GJB1: variants seen among roughly 807,000 people sequenced by gnomAD.
The protein encoded by GJB1 is gap junction protein beta 1.
In GJB1, 1 loss-of-function variant was observed where a neutral mutation model predicts 12.0. The ratio of observed to expected loss-of-function variants is 0.08; its 90% CI spans 0.03 to 0.40. The LOEUF is 0.40. Ranked by LOEUF, GJB1 falls within the 10% of genes least tolerant of loss-of-function variation. The pLI, the probability that GJB1 is intolerant of heterozygous loss-of-function variation, is 0.98. For missense variants in GJB1, 140 were observed against 250.3 expected (o/e 0.56, Z 2.97); for synonymous variants, 114 against 102.8 (o/e 1.11, Z -0.66).
At chrX:71,218,967 T>C (rs1305447840), upstream of GJB1, among the ~76,000 whole-genome samples, 3 of 109,919 alleles carry the variant, frequency 2.7e-5, no homozygotes, top group Non-Finnish European at 5.7e-5. Context: ...ACTATGTGAC[T>C]CTTAGATAAG....
rs1057518946 is a variant in GJB1 at position 71,223,816 on chromosome X, G to C, written c.109G>C (p.Val37Leu). 1 of 1,211,622 alleles carries C rather than the reference G, an allele frequency of 8.3e-7. No homozygotes were observed. The highest frequency in any genetic ancestry group is 1.1e-6 in the Non-Finnish European group (1 of 895,364). Residue 37 changes from valine (V) to leucine (L), a missense_variant, in exon 2 of 2, where the codon GTG becomes CTG. Physicochemically the swap from Val to Leu is conservative, Grantham distance 32 (BLOSUM62 1). Coordinates refer to ENST00000361726, the MANE Select transcript of GJB1 (RefSeq NM_000166.6). ...CTTCATCTTCAGAATCATGGTGCTG[G>C]TGGTGGCTGCAGAGAGTGTGTGGGG... Reference protein sequence around the residue: ...VIFIFRIMVLVVAAESVWGDE... With the variant: ...VIFIFRIMVLLVAAESVWGDE...
chrX:71,224,521 G>A lies in GJB1; in HGVS notation c.814G>A (p.Gly272Arg). The change falls in exon 2 of 2, where the codon GGG becomes AGG. Residue 272 changes from glycine (G) to arginine (R), a missense_variant. Physicochemically the swap from Gly to Arg is moderately radical, Grantham distance 125. Around this residue, in one of 4 missense-constraint regions of GJB1, gnomAD observed 75 missense variants for 78.8 expected, o/e 0.95. Transcript: ENST00000361726. ...GCGCCGCAGCCCTGGCACCGGGGCT[G>A]GGCTGGCTGAAAAGAGCGACCGCTG... is the stretch of plus-strand genomic sequence containing the variant. ...ILRRSPGTGA[G>R]LAEKSDRCSA... 1 of 1,196,222 alleles carries A rather than the reference G, an allele frequency of 8.4e-7. No individual in the cohort carries two copies.
upstream of GJB1, among the ~76,000 whole-genome samples, chrX:71,218,733 A>T (rs1287501289): frequency 9.2e-6 from 1 of 109,036 alleles, no homozygotes; most frequent in East Asian, 2.9e-4. Flanking sequence ...AATACAAAAA[A>T]ATTAGCCGGG....
chrX:71,224,365 C>T lies in GJB1; in HGVS notation c.658C>T (p.Arg220Ter), dbSNP rs104894814. The change falls in exon 2 of 2, where the codon CGA becomes TGA. Residue 220 changes from arginine to a stop codon, truncating the protein, a stop_gained. Coordinates refer to ENST00000361726, the MANE Select transcript of GJB1 (RefSeq NM_000166.6). LOFTEE classifies it high-confidence loss of function. Reference protein sequence around the residue: ...VYLIIRACARRAQRRSNPPSR... With the variant: ...VYLIIRACAR The stretch of plus-strand genomic sequence containing the variant: ...CCTCATCATCCGGGCCTGTGCCCGC[C>T]GAGCCCAGCGCCGCTCCAATCCACC... 8.3e-7 allele frequency: 1 copy of T among 1,207,684 alleles called. No homozygotes were observed. The highest frequency in any genetic ancestry group is 1.1e-6 in the Non-Finnish European group (1 of 894,734).
upstream of GJB1, among the ~76,000 whole-genome samples, chrX:71,219,744 A>C (rs1365597401): frequency 1.4e-5 from 1 of 71,627 alleles, no homozygotes; most frequent in Non-Finnish European, 2.4e-5. Context: ...ACTGCAGTCC[A>C]GCCTGGGCGA....
intron 1 of GJB1, among the ~76,000 whole-genome samples, chrX:71,217,082 G>A (rs1230400077): frequency 9.6e-6 from 1 of 104,656 alleles, no homozygotes; most frequent in Non-Finnish European, 2.0e-5. Context: ...GAAACAGAGA[G>A]AGACAGAGAC....
At chrX:71,219,150 CTTATTATTATTATTA>C (rs34964191), upstream of GJB1, among the ~76,000 whole-genome samples, 11 of 98,053 alleles carry the variant, frequency 1.1e-4, no homozygotes, top group Admixed American at 5.8e-4. Flanking sequence ...TTGAGGTGGT[CTTATTATTATTATTA>C]TTATTATTAT....
intron 1 of GJB1, among the ~76,000 whole-genome samples, chrX:71,217,104 A>ATG (rs34246909): frequency 0.023 from 2,169 of 93,508 alleles, 33 homozygotes; most frequent in East Asian, 0.066. Flanking sequence ...GACTAGACGA[A>ATG]TGTGTGTGTG....
chrX:71,222,987 GC>G (rs748277939), upstream of GJB1, among the ~76,000 whole-genome samples: 2 of 110,330 alleles, frequency 1.8e-5, no homozygotes, highest in East Asian at 2.9e-4. Flanking sequence ...CCCTCCCCCC[GC>G]CCCCCCGTGG....
rs773637156 is a variant in GJB1 at position 71,224,050 on chromosome X, C to G, written c.343C>G (p.Leu115Val). ...ACGGCTTGAGGGCCATGGGGACCCC[C>G]TACACCTGGAGGAGGTGAAGAGGCA... is the stretch of plus-strand genomic sequence containing the variant. ...MLRLEGHGDPLHLEEVKRHKV... is the reference protein window; with the variant it reads ...MLRLEGHGDPVHLEEVKRHKV... The change falls in exon 2 of 2, where the codon CTA becomes GTA. Residue 115 changes from leucine to valine, a missense_variant. Leu to Val is a conservative substitution (Grantham distance 32, BLOSUM62 1). Transcript: ENST00000361726. 3.3e-6 allele frequency: 4 copies of G among 1,201,448 alleles called. No individual in the cohort carries two copies. In the African/African-American group the frequency reaches 5.3e-5, roughly 16 times the overall value.
rs766201464 is a variant in GJB1 at position 71,224,208 on chromosome X, G to A, written c.501G>A (p.Lys167=). 8.3e-7 allele frequency: 1 copy of A among 1,206,598 alleles called. No homozygotes were observed. Among genetic ancestry groups the A allele is most frequent in the African/African-American group, 1.7e-5 (1 of 57,514 alleles). Residue 167 remains lysine, a synonymous_variant, in exon 2 of 2, where the codon AAG becomes AAA. Transcript: ENST00000361726. Reference sequence around the variant, plus strand: ...GCTATGCCATGGTGCGGCTGGTCAAGTGCGACGTCTACCCCTGCCCCAACA... The same window carrying A: ...GCTATGCCATGGTGCGGCTGGTCAAATGCGACGTCTACCCCTGCCCCAACA... ...YPGYAMVRLV[K]CDVYPCPNTV...
At chrX:71,215,726 C>T (rs778002959) in intron 1 of GJB1, among the ~76,000 whole-genome samples, 50 of 111,629 alleles carry the variant, frequency 4.5e-4, no homozygotes, top group Admixed American at 1.5e-3. Flanking sequence ...GCACCCAACA[C>T]GGGGCTGCGA....
rs968982704 is a variant in GJB1 at position 71,224,876 on chromosome X, T to A, written c.*317T>A. On this transcript the variant is annotated 3_prime_UTR_variant, in exon 2 of 2. Transcript: ENST00000361726. ...TGGGATGCTCCGACAGCGTCTCCAATTATGAAACTAATCTTAACCCTGTGC... is the reference window on the plus strand; with the variant it reads ...TGGGATGCTCCGACAGCGTCTCCAAATATGAAACTAATCTTAACCCTGTGC... The A allele has an allele frequency of 1.8e-5, 7 of 380,564 alleles. No individual in the cohort carries two copies. Among genetic ancestry groups the A allele is most frequent in the African/African-American group, 1.8e-4 (7 of 38,922 alleles). The allele number at this position is 380,564 out of a possible 1,213,427, so 31.4% of individuals were successfully genotyped here. A position where few individuals can be genotyped will look rare whatever the true frequency, so the allele number is the denominator to read the frequency against.
upstream of GJB1, among the ~76,000 whole-genome samples, chrX:71,221,398 A>T (rs1273768012): frequency 9.1e-6 from 1 of 110,371 alleles, no homozygotes; most frequent in African/African-American, 3.3e-5. Flanking sequence ...TCTGAGAAGT[A>T]ACCTATGTCC....
chrX:71,224,661 C>A lies in GJB1; in HGVS notation c.*102C>A. On this transcript the variant is annotated 3_prime_UTR_variant, in exon 2 of 2. Transcript: ENST00000361726. Reference sequence around the variant, plus strand: ...ACAGGCCTCTGCCTGCTGGGGATTACTCGATCAAAACCTTCCTTCCCTGGC... The same window carrying A: ...ACAGGCCTCTGCCTGCTGGGGATTAATCGATCAAAACCTTCCTTCCCTGGC... The A allele has an allele frequency of 2.6e-6, 2 of 761,583 alleles. No individual in the cohort carries two copies. The highest frequency in any genetic ancestry group is 3.9e-6 in the Non-Finnish European group (2 of 506,561). The allele number at this position is 761,583 out of a possible 1,213,427, so 62.8% of individuals were successfully genotyped here.
chrX:71,221,087 A>G (rs952126002), upstream of GJB1, among the ~76,000 whole-genome samples: 11 of 106,399 alleles, frequency 1.0e-4, no homozygotes, highest in South Asian at 1.2e-3. Flanking sequence ...AGTAGAGACG[A>G]GGTTTCACCA....
At chrX:71,219,691 G>A (rs1412160283), upstream of GJB1, among the ~76,000 whole-genome samples, 1 of 92,493 alleles carries the variant, frequency 1.1e-5, no homozygotes, top group Admixed American at 1.2e-4. Context: ...GGAGAATGGC[G>A]TGAACCTGGG....
upstream of GJB1, among the ~76,000 whole-genome samples, chrX:71,220,142 C>CTTTTTTTTTTTT (rs41353351): frequency 3.8e-5 from 2 of 52,825 alleles, no homozygotes; most frequent in African/African-American, 1.4e-4. Context: ...TGTGCCTGGC[C>CTTTTTTTTTTTT]TTTTTTTTTT....
rs376113695 is a variant in GJB1 at position 71,224,334 on chromosome X, G to T, written c.627G>T (p.Val209=). Reference sequence around the variant, plus strand: ...GCATCATCCTCAATGTGGCCGAGGTGGTGTACCTCATCATCCGGGCCTGTG... The same window carrying T: ...GCATCATCCTCAATGTGGCCGAGGTTGTGTACCTCATCATCCGGGCCTGTG... ...GICIILNVAE[V]VYLIIRACAR... The change falls in exon 2 of 2, where the codon GTG becomes GTT. Residue 209 remains valine, a synonymous_variant. Coordinates refer to ENST00000361726, the MANE Select transcript of GJB1 (RefSeq NM_000166.6). 4.7e-5 allele frequency: 57 copies of T among 1,206,409 alleles called. No individual in the cohort carries two copies. The Middle Eastern group carries it at 1.1e-3, about 24-fold the overall frequency.
Sources: gnomAD v4.1 joint callset for allele counts (sites outside exome capture counted in the v4.1 genomes callset) on GRCh38, gnomAD v4.1.1 for gene constraint, gnomAD v4.1.1 regional missense constraint, MANE v1.5 for transcripts, NCBI Gene and HGNC (gene_info 2026-07-23, HGNC 2026-07-21) for gene names.